The following CYP19A1 variants were observed in gnomAD, a reference collection of about 807,000 sequenced individuals.
CYP19A1 encodes cytochrome P450 family 19 subfamily A member 1.
Under a neutral mutation model 44.4 loss-of-function variants are expected in CYP19A1, and 32 were observed. That is an observed-to-expected ratio of 0.72 (90% confidence interval 0.54 to 0.97). CYP19A1 has a LOEUF of 0.97. Ranked by LOEUF, CYP19A1 falls within the 50% of genes least tolerant of loss-of-function variation. The probability of loss-of-function intolerance (pLI) is 0.00; values close to 1 mark genes in which losing one functional copy is unlikely to be tolerated. For synonymous variants in CYP19A1, 212 were observed against 215.6 expected, an observed-to-expected ratio of 0.98 and a Z score of 0.14; for missense variants, 598 against 637.8, an observed-to-expected ratio of 0.94 and a Z score of 0.67.
At chr15:51,229,306 C>G (rs2032839244) in intron 3 of CYP19A1, among the ~76,000 whole-genome samples, 1 of 151,008 alleles carries the variant, frequency 6.6e-6, no homozygotes, top group Non-Finnish European at 1.5e-5. Flanking sequence ...AGTAGGATAG[C>G]TCGAGCCCTG....
At position 51,208,740 on chromosome 15, in the gene CYP19A1, C is replaced by A. The variant is rs915766245; in HGVS notation, c.*2068G>T. ...ACTTCTCCTCTTCCTGTCCCTCCCC[C>A]ATGTCCCTCACTCCCACCCCCCACC... On this transcript the variant is annotated 3_prime_UTR_variant, in exon 10 of 10. Coordinates refer to ENST00000396402, the MANE Select transcript of CYP19A1 (RefSeq NM_000103.4). 6.7e-6 allele frequency: 1 copy of A among 150,168 alleles called. No homozygotes were observed. The highest frequency in any genetic ancestry group is 1.5e-5 in the Non-Finnish European group (1 of 67,588). The allele number at this position is 150,168 out of a possible 1,614,324, so 9.3% of individuals were successfully genotyped here. A position where few individuals can be genotyped will look rare whatever the true frequency, so the allele number is the denominator to read the frequency against.
At chr15:51,309,460 T>TTTTTAAATATCAGA (rs1273100316) in intron 1 of CYP19A1, among the ~76,000 whole-genome samples, 1 of 152,218 alleles carries the variant, frequency 6.6e-6, no homozygotes, top group Non-Finnish European at 1.5e-5. Context: ...CCACTCTTTA[T>TTTTTAAATATCAGA]TTTTAAATAT....
intron 1 of CYP19A1, chr15:51,279,253 T>C (rs537423110): frequency 6.6e-6 from 1 of 152,336 alleles, no homozygotes; most frequent in East Asian, 1.9e-4. Context: ...TGCTTGCCAT[T>C]CAAGAAGCCT....
chr15:51,284,984 G>C (rs1349679120), intron 1 of CYP19A1, among the ~76,000 whole-genome samples: 2 of 152,078 alleles, frequency 1.3e-5, no homozygotes, highest in Non-Finnish European at 2.9e-5. Flanking sequence ...TATTAGAAGG[G>C]GCCTGTTTCT....
At chr15:51,305,551 T>G (rs1447157475) in intron 1 of CYP19A1, among the ~76,000 whole-genome samples, 1 of 151,920 alleles carries the variant, frequency 6.6e-6, no homozygotes, top group Admixed American at 6.6e-5. Flanking sequence ...ATAATAAATT[T>G]GTGTGTGTGT....
chr15:51,273,592 C>T (rs1178476881), intron 1 of CYP19A1, among the ~76,000 whole-genome samples: 1 of 152,140 alleles, frequency 6.6e-6, no homozygotes, highest in Non-Finnish European at 1.5e-5. Flanking sequence ...TGAGCTCTAT[C>T]CCACCTTTGC....
intron 1 of CYP19A1, among the ~76,000 whole-genome samples, chr15:51,334,120 C>A (rs1186809532): frequency 2.0e-5 from 3 of 152,182 alleles, no homozygotes; most frequent in African/African-American, 7.2e-5. Flanking sequence ...GCCTTGGAGC[C>A]AAGTGCCAGT....
chr15:51,219,581 G>A (rs1026096525), intron 5 of CYP19A1, among the ~76,000 whole-genome samples: 1 of 152,198 alleles, frequency 6.6e-6, no homozygotes, highest in African/African-American at 2.4e-5. Context: ...CAGGCCCTGA[G>A]GCTGGAGCTG....
intron 1 of CYP19A1, among the ~76,000 whole-genome samples, chr15:51,260,316 T>C (rs751700162): frequency 6.6e-6 from 1 of 152,192 alleles, no homozygotes; most frequent in African/African-American, 2.4e-5. Context: ...GGGGAAAGCA[T>C]TAAATATAAG....
intron 1 of CYP19A1, among the ~76,000 whole-genome samples, chr15:51,257,395 G>A (rs2034554304): frequency 1.3e-5 from 2 of 152,212 alleles, no homozygotes; most frequent in African/African-American, 2.4e-5. Context: ...CCAGGCTGGG[G>A]CAGGACGCAG....
At chr15:51,282,625 TTTCC>T (rs1233421265) in intron 1 of CYP19A1, among the ~76,000 whole-genome samples, 2 of 152,234 alleles carry the variant, frequency 1.3e-5, no homozygotes, top group African/African-American at 4.8e-5. Context: ...GTCTTTTCTC[TTTCC>T]TTTGACTCTG....
intron 1 of CYP19A1, among the ~76,000 whole-genome samples, chr15:51,317,614 T>C (rs930833308): frequency 1.9e-4 from 29 of 152,104 alleles, no homozygotes; most frequent in African/African-American, 7.0e-4. Flanking sequence ...ACATTCTGTC[T>C]AGGGGTGAAA....
At chr15:51,255,700 T>A (rs1419252461) in intron 1 of CYP19A1, 1 of 152,238 alleles carries the variant, frequency 6.6e-6, no homozygotes, top group Non-Finnish European at 1.5e-5. Context: ...AAAGCTGTTA[T>A]CAGCGGTCCT....
At chr15:51,322,102 G>A (rs1388113955) in intron 1 of CYP19A1, 1 of 152,258 alleles carries the variant, frequency 6.6e-6, no homozygotes, top group East Asian at 1.9e-4. Context: ...CACGGGCCAT[G>A]GGTCGGACCT....
chr15:51,235,888 G>T (rs1444923058), intron 3 of CYP19A1, among the ~76,000 whole-genome samples: 2 of 152,196 alleles, frequency 1.3e-5, no homozygotes, highest in Non-Finnish European at 2.9e-5. Flanking sequence ...ATAAACATGC[G>T]TTAATGAGAC....
chr15:51,292,080 T>G (rs563555549), intron 1 of CYP19A1, among the ~76,000 whole-genome samples: 3 of 152,326 alleles, frequency 2.0e-5, no homozygotes, highest in Admixed American at 2.0e-4. Flanking sequence ...TCTGGACTCT[T>G]CTTTCAAGAA....
intron 3 of CYP19A1, among the ~76,000 whole-genome samples, chr15:51,229,867 A>G (rs1395849804): frequency 6.6e-6 from 1 of 152,250 alleles, no homozygotes; most frequent in South Asian, 2.1e-4. Context: ...TGCATTAATC[A>G]TATTGGCCTG....
At chr15:51,254,042 G>A (rs2034424469) in intron 1 of CYP19A1, among the ~76,000 whole-genome samples, 1 of 152,188 alleles carries the variant, frequency 6.6e-6, no homozygotes, top group African/African-American at 2.4e-5. Flanking sequence ...GGAAATATAA[G>A]TAGAAAGGCA....
At chr15:51,306,359 T>C (rs936460182) in intron 1 of CYP19A1, among the ~76,000 whole-genome samples, 1 of 152,222 alleles carries the variant, frequency 6.6e-6, no homozygotes, top group African/African-American at 2.4e-5. Flanking sequence ...TTCTTTCTTC[T>C]TTTTTACATT....
Sources: gnomAD v4.1 joint callset for allele counts (sites outside exome capture counted in the v4.1 genomes callset) on GRCh38, gnomAD v4.1.1 for gene constraint, MANE v1.5 for transcripts, NCBI Gene and HGNC (gene_info 2026-07-23, HGNC 2026-07-21) for gene names.